Variants in DPEP1 observed in about 807,000 individuals in gnomAD.
DPEP1 encodes the protein beta-lactamase.
Under a neutral mutation model 42.3 loss-of-function variants are expected in DPEP1, and 50 were observed. The ratio of observed to expected loss-of-function variants is 1.18; its 90% CI spans 0.94 to 1.50. The LOEUF is 1.50. DPEP1 is among the 40% of genes most tolerant of loss of function. The pLI is 0.00. For missense variants in DPEP1, 663 were observed against 553.0 expected, an observed-to-expected ratio of 1.20 and a Z score of -1.99; for synonymous variants, 297 against 234.0, an observed-to-expected ratio of 1.27 and a Z score of -2.46.
At chr16:89,626,990 G>A (rs1319471634) in intron 1 of DPEP1, among the ~76,000 whole-genome samples, 2 of 151,952 alleles carry the variant, frequency 1.3e-5, no homozygotes, top group Admixed American at 6.6e-5. Context: ...GGCCAGGTAT[G>A]GTGGCTCACA....
intron 1 of DPEP1, among the ~76,000 whole-genome samples, chr16:89,620,224 A>C (rs985085791): frequency 6.6e-6 from 1 of 151,794 alleles, no homozygotes; most frequent in African/African-American, 2.4e-5. Context: ...GTTTGTCCCA[A>C]CTCCGGGGCC....
intron 5 of DPEP1, 38 bp downstream of exon 5, chr16:89,636,721 C>G: frequency 1.2e-6 from 2 of 1,608,664 alleles, no homozygotes; most frequent in Non-Finnish European, 1.7e-6. Flanking sequence ...GGGCTGTGGT[C>G]AGGAGGGAGG....
intron 2 of DPEP1, among the ~76,000 whole-genome samples, chr16:89,635,319 A>T (rs1368294883): frequency 2.6e-5 from 4 of 152,058 alleles, no homozygotes. Flanking sequence ...GTTTAGAAGG[A>T]TCTGATTGGA....
downstream of DPEP1, among the ~76,000 whole-genome samples, chr16:89,640,198 C>T (rs1320846915): frequency 6.6e-6 from 1 of 152,232 alleles, no homozygotes; most frequent in African/African-American, 2.4e-5. Context: ...CAGGACCCCC[C>T]ACGCTGCTGC....
chr16:89,628,155 C>G (rs2059540486), intron 1 of DPEP1, among the ~76,000 whole-genome samples: 1 of 152,042 alleles, frequency 6.6e-6, no homozygotes, highest in Non-Finnish European at 1.5e-5. Context: ...ATCTCCTGAC[C>G]TGGTGATCCA....
Position 89,636,027 on chromosome 16 carries a change from T to C in DPEP1, c.224T>C (p.Phe75Ser), listed in dbSNP as rs2059673793. 1 of 1,609,650 alleles carries C rather than the reference T, an allele frequency of 6.2e-7. No homozygotes were observed. Among genetic ancestry groups the C allele is most frequent in the Admixed American group, 1.7e-5 (1 of 59,664 alleles). Residue 75 changes from phenylalanine to serine, a missense_variant, in exon 3 of 11, where the codon TTT becomes TCT. Transcript: ENST00000690203. The part of the protein sequence containing the change: ...HTNIPKLRAG[F>S]VGGQFWSVYT... ...AACATCCCCAAGCTGAGGGCCGGCT[T>C]TGTGGGAGGCCAGGTACCGCCTGCC...
intron 2 of DPEP1, among the ~76,000 whole-genome samples, chr16:89,634,406 G>A (rs896106676): frequency 5.3e-5 from 8 of 152,054 alleles, no homozygotes; most frequent in Non-Finnish European, 7.4e-5. Context: ...CATTCCTAAC[G>A]ACAGTGGATT....
upstream of DPEP1, chr16:89,613,479 C>G (rs2059350258): frequency 6.6e-6 from 1 of 152,408 alleles, no homozygotes; most frequent in African/African-American, 2.4e-5. Flanking sequence ...CTCCTGCAGC[C>G]CTTCCTTCCG....
rs747632756 is a variant in DPEP1 at position 89,635,917 on chromosome 16, C to A, written c.114C>A (p.Asp38Glu). Residue 38 changes from aspartate to glutamate, a missense_variant, in exon 3 of 11, where the codon GAC becomes GAA. Asp to Glu is a conservative substitution (Grantham distance 45). Coordinates refer to ENST00000690203, the MANE Select transcript of DPEP1 (RefSeq NM_001389466.1). ...CCCCGGCAAACTCCAGGCACAATGA[C>A]CTCCCCTGGCAGCTGCTGGATATGT... is the stretch of plus-strand genomic sequence containing the variant. ...RDSPVIDGHN[D>E]LPWQLLDMFN... 1 of 1,603,016 alleles carries A rather than the reference C, an allele frequency of 6.2e-7. No individual in the cohort carries two copies. Among genetic ancestry groups the A allele is most frequent in the African/African-American group, 1.3e-5 (1 of 74,858 alleles).
chr16:89,619,919 GC>G (rs1186755741), intron 1 of DPEP1, among the ~76,000 whole-genome samples: 2 of 122,748 alleles, frequency 1.6e-5, no homozygotes, highest in Admixed American at 8.9e-5. Flanking sequence ...GACTCCAAGG[GC>G]CCCTGTGACT....
downstream of DPEP1, among the ~76,000 whole-genome samples, chr16:89,640,969 A>C (rs1406365380): frequency 6.6e-6 from 1 of 152,188 alleles, no homozygotes; most frequent in Admixed American, 6.6e-5. Context: ...GTGATTGATA[A>C]GGTCACGCGA....
chr16:89,633,752 C>T (rs900222897), intron 2 of DPEP1, among the ~76,000 whole-genome samples: 12 of 152,366 alleles, frequency 7.9e-5, no homozygotes, highest in African/African-American at 2.6e-4. Flanking sequence ...CCAAGGAAGG[C>T]ACCAAGACAC....
chr16:89,636,335 C>T lies in DPEP1; in HGVS notation c.309C>T (p.Asp103=), dbSNP rs145941460. 1,076 of 1,612,588 alleles carry T rather than the reference C, an allele frequency of 6.7e-4. 2 individuals carry two copies. The highest frequency in any genetic ancestry group is 8.2e-4 in the Non-Finnish European group (969 of 1,179,896). Reference sequence around the variant, plus strand: ...TGCGGAGGACGCTGGAGCAGATGGACGTGGTCCACCGCATGTGCCGGATGT... The same window carrying T: ...TGCGGAGGACGCTGGAGCAGATGGATGTGGTCCACCGCATGTGCCGGATGT... ...DAVRRTLEQM[D]VVHRMCRMYP... Residue 103 remains aspartate (D), a synonymous_variant, in exon 4 of 11, where the codon GAC becomes GAT. Transcript: ENST00000690203.
At chr16:89,616,198 G>C (rs1459407004) in intron 1 of DPEP1, among the ~76,000 whole-genome samples, 2 of 152,140 alleles carry the variant, frequency 1.3e-5, no homozygotes, top group Non-Finnish European at 2.9e-5. Flanking sequence ...GGGAGTCAGT[G>C]CTGTGGGGAT....
chr16:89,641,308 C>T (rs185948647), downstream of DPEP1, among the ~76,000 whole-genome samples: 639 of 152,228 alleles, frequency 4.2e-3, 6 homozygotes, highest in African/African-American at 0.015. Context: ...GGGAGATTCC[C>T]TTTCCGGCTC....
chr16:89,631,542 G>A lies in DPEP1; in HGVS notation c.104+1028G>A, dbSNP rs531859040. Among the ~76,000 whole-genome samples, 4 of 152,324 alleles carry A rather than the reference G, an allele frequency of 2.6e-5. 1 individual carries two copies. The South Asian group carries it at 8.3e-4, about 32-fold the overall frequency. ...AACTGTGAAAAAAGCAGGGAAACCC[G>A]ATGTCTTGTCGCATAAGAACTTCAG... is the stretch of plus-strand genomic sequence containing the variant. On this transcript the variant is annotated intron_variant, in intron 2 of 10. Coordinates refer to ENST00000690203, the MANE Select transcript of DPEP1 (RefSeq NM_001389466.1).
At chr16:89,621,595 G>T (rs1418749798) in intron 1 of DPEP1, among the ~76,000 whole-genome samples, 1 of 152,200 alleles carries the variant, frequency 6.6e-6, no homozygotes, top group African/African-American at 2.4e-5. Context: ...CTTATTTGGG[G>T]GCCTCTGTGC....
At chr16:89,616,390 G>C (rs1285442680) in intron 1 of DPEP1, among the ~76,000 whole-genome samples, 1 of 152,302 alleles carries the variant, frequency 6.6e-6, no homozygotes, top group East Asian at 1.9e-4. Context: ...GGATCGGACA[G>C]ACGGGCGGAA....
intron 1 of DPEP1, among the ~76,000 whole-genome samples, chr16:89,616,393 G>A (rs367704226): frequency 9.9e-5 from 15 of 152,274 alleles, no homozygotes; most frequent in African/African-American, 2.6e-4. Context: ...TCGGACAGAC[G>A]GGCGGAAAGG....
Sources: gnomAD v4.1 joint callset for allele counts (sites outside exome capture counted in the v4.1 genomes callset) on GRCh38, gnomAD v4.1.1 for gene constraint, MANE v1.5 for transcripts, NCBI Gene and HGNC (gene_info 2026-07-23, HGNC 2026-07-21) for gene names.